Variants in DCPS observed in about 807,000 individuals in gnomAD.
DCPS encodes the protein decapping enzyme, scavenger, also known as m7GpppX diphosphatase.
A neutral mutation model predicts 34.7 loss-of-function variants in DCPS; 27 were observed. The ratio of observed to expected loss-of-function variants is 0.78; its 90% CI spans 0.57 to 1.07. The LOEUF (loss-of-function observed/expected upper bound fraction) is 1.07. Among genes scored for constraint, DCPS ranks in the 50% least tolerant of loss-of-function variants. The pLI, the probability that DCPS is intolerant of heterozygous loss-of-function variation, is 0.00. For synonymous variants in DCPS, 185 were observed against 185.7 expected, an observed-to-expected ratio of 1.00 and a Z score of 0.03; for missense variants, 464 against 436.9, an observed-to-expected ratio of 1.06 and a Z score of -0.55.
At chr11:126,307,682 C>T (rs1591380288) in intron 2 of DCPS, among the ~76,000 whole-genome samples, 1 of 152,160 alleles carries the variant, frequency 6.6e-6, no homozygotes, top group Admixed American at 6.6e-5. Context: ...GCTGGGATTA[C>T]AGGTGTGAGC....
chr11:126,339,854 C>T (rs1442492787), intron 4 of DCPS, among the ~76,000 whole-genome samples: 1 of 152,158 alleles, frequency 6.6e-6, no homozygotes, highest in African/African-American at 2.4e-5. Context: ...TGTGGGGCTG[C>T]CCTGCACCTA....
At position 126,328,186 on chromosome 11, in the gene DCPS, C is replaced by T. The variant is rs900862463; in HGVS notation, c.377-3219C>T. Among the ~76,000 whole-genome samples the T allele has an allele frequency of 7.9e-5, 12 of 152,266 alleles. No homozygotes were observed. In the East Asian group the frequency reaches 2.3e-3, roughly 29 times the overall value. ...GCAGAGGCCCTAAGCGGGAGAGAGG[C>T]AGTGCATGAAGGTGGAAAGAGGGCC... is the stretch of plus-strand genomic sequence containing the variant. On this transcript the variant is annotated intron_variant, in intron 2 of 5. Coordinates refer to ENST00000263579, the MANE Select transcript of DCPS (RefSeq NM_014026.6). The surrounding 1 kb of genome is among the most constrained non-coding windows in gnomAD (Gnocchi z 6.6).
chr11:126,331,338 C>T lies in DCPS; in HGVS notation c.377-67C>T. 1.3e-6 allele frequency: 2 copies of T among 1,583,386 alleles called. No individual in the cohort carries two copies. The highest frequency in any genetic ancestry group is 1.7e-6 in the Non-Finnish European group (2 of 1,163,748). On this transcript the variant is annotated intron_variant, in intron 2 of 5. Transcript: ENST00000263579. This position sits in a 1 kb window ranked among gnomAD's most constrained non-coding sequence, Gnocchi z 7.2. ...AGCCAGGGTGGGAGTTCTCTCCTCA[C>T]CGTGGTGCCTGTGGCATAGAGAGTG...
chr11:126,343,509 G>T, intron 5 of DCPS, 92 bp downstream of exon 5: 1 of 1,083,304 alleles, frequency 9.2e-7, no homozygotes, highest in Non-Finnish European at 1.4e-6. Context: ...CTTTCCCAGA[G>T]TCCATCTTGG....
chr11:126,309,848 TCTC>T (rs1347945798), intron 2 of DCPS, among the ~76,000 whole-genome samples: 7 of 152,200 alleles, frequency 4.6e-5, no homozygotes, highest in African/African-American at 1.7e-4. Context: ...ATGGTCTCTG[TCTC>T]CTCTTCTTCT....
At chr11:126,324,423 G>A (rs935106795) in intron 2 of DCPS, among the ~76,000 whole-genome samples, 3 of 151,626 alleles carry the variant, frequency 2.0e-5, no homozygotes. Context: ...GGTGGCAACC[G>A]GAAGTTCTGG....
chr11:126,349,839 G>C lies in DCPS; in HGVS notation c.*4226G>C, dbSNP rs1469313337. 6.6e-6 allele frequency among the ~76,000 whole-genome samples: 1 copy of C among 152,170 alleles called. No individual in the cohort carries two copies. Among genetic ancestry groups the C allele is most frequent in the Non-Finnish European group, 1.5e-5 (1 of 68,040 alleles). On this transcript the variant is annotated 3_prime_UTR_variant, in exon 6 of 6. Coordinates refer to ENST00000263579, the MANE Select transcript of DCPS (RefSeq NM_014026.6). This position sits in a 1 kb window ranked among gnomAD's most constrained non-coding sequence, Gnocchi z 5.4. The stretch of plus-strand genomic sequence containing the variant: ...GCAAAATAAATGTTGGCAACCCTAA[G>C]TTTGTTCTATTATAATATTATTGAA...
chr11:126,316,650 T>TC (rs1322055501), intron 2 of DCPS, among the ~76,000 whole-genome samples: 1 of 150,986 alleles, frequency 6.6e-6, no homozygotes, highest in Non-Finnish European at 1.5e-5. Context: ...AAGTACATTT[T>TC]TTTTTTTTCA....
At chr11:126,310,480 G>C (rs1438207813) in intron 2 of DCPS, among the ~76,000 whole-genome samples, 1 of 152,164 alleles carries the variant, frequency 6.6e-6, no homozygotes, top group Non-Finnish European at 1.5e-5. Context: ...TCTTGTTTGG[G>C]GTCAGGGGTG....
Position 126,312,047 on chromosome 11 carries a change from C to T in DCPS, c.376+5303C>T, listed in dbSNP as rs372772129. Among the ~76,000 whole-genome samples, 3 of 152,172 alleles carry T rather than the reference C, an allele frequency of 2.0e-5. No individual in the cohort carries two copies. The highest frequency in any genetic ancestry group is 7.2e-5 in the African/African-American group (3 of 41,436). ...CCGGGTTCGAGTGATTCTCCAGCCT[C>T]AGCCTCCCGAGTAGCTGGGATTACA... is the stretch of plus-strand genomic sequence containing the variant. On this transcript the variant is annotated intron_variant, in intron 2 of 5. Coordinates refer to ENST00000263579, the MANE Select transcript of DCPS (RefSeq NM_014026.6). The surrounding 1 kb of genome is among the most constrained non-coding windows in gnomAD (Gnocchi z 5.1).
rs1951891040 is a variant in DCPS, at chr11:126,343,300, T to C, written c.637-7T>C. ...CTGAGCCTGGTCTCCCCTTGCTCTC[T>C]ACGCAGCTCGATGACTTGTACTTGA... On this transcript the variant is annotated splice_polypyrimidine_tract_variant and splice_region_variant and intron_variant, in intron 4 of 5. Coordinates refer to ENST00000263579, the MANE Select transcript of DCPS (RefSeq NM_014026.6). The C allele has an allele frequency of 6.2e-7, 1 of 1,611,424 alleles. No homozygotes were observed. Among genetic ancestry groups the C allele is most frequent in the Non-Finnish European group, 8.5e-7 (1 of 1,178,782 alleles).
rs1237075872 is a variant in DCPS at position 126,342,892 on chromosome 11, A to G, written c.637-415A>G. On this transcript the variant is annotated intron_variant, in intron 4 of 5. Coordinates refer to ENST00000263579, the MANE Select transcript of DCPS (RefSeq NM_014026.6). The surrounding 1 kb of genome is among the most constrained non-coding windows in gnomAD (Gnocchi z 4.4). ...CAGGAGTTTGAGACCAGCCTGGCCA[A>G]TATGGTGAAACCCCATCTCTACTAA... 6.6e-6 allele frequency among the ~76,000 whole-genome samples: 1 copy of G among 151,996 alleles called. No individual in the cohort carries two copies.
intron 1 of DCPS, among the ~76,000 whole-genome samples, chr11:126,305,139 TCTC>T (rs1951553431): frequency 6.6e-6 from 1 of 152,156 alleles, no homozygotes; most frequent in South Asian, 2.1e-4. Context: ...AGACGGAGTC[TCTC>T]CTCTCTGTCA....
At position 126,345,697 on chromosome 11, in the gene DCPS, A is replaced by G; in HGVS notation, c.*84A>G. 1.3e-6 allele frequency: 2 copies of G among 1,547,566 alleles called. No homozygotes were observed. Among genetic ancestry groups the G allele is most frequent in the South Asian group, 2.4e-5 (2 of 83,126 alleles). ...TTTTTATCTCCAAGTGAATTTTCTA[A>G]AAATGTATTTTATACCGGCTTATTC... On this transcript the variant is annotated 3_prime_UTR_variant, in exon 6 of 6. Transcript: ENST00000263579. The surrounding 1 kb of genome is among the most constrained non-coding windows in gnomAD (Gnocchi z 7.4).
In DCPS at chr11:126,333,636, G is replaced by C. The variant is rs1445873536; in HGVS notation, c.522+2086G>C. On this transcript the variant is annotated intron_variant, in intron 3 of 5. Coordinates refer to ENST00000263579, the MANE Select transcript of DCPS (RefSeq NM_014026.6). This position sits in a 1 kb window ranked among gnomAD's most constrained non-coding sequence, Gnocchi z 5.7. ...TGGAATCATCCGATGCTTTGGGGGAGCTGCAAGGAGTTTGGTGTGACTGGG... is the reference window on the plus strand; with the variant it reads ...TGGAATCATCCGATGCTTTGGGGGACCTGCAAGGAGTTTGGTGTGACTGGG... Among the ~76,000 whole-genome samples, 1 of 152,190 alleles carries C rather than the reference G, an allele frequency of 6.6e-6. No homozygotes were observed. Among genetic ancestry groups the C allele is most frequent in the Admixed American group, 6.5e-5 (1 of 15,286 alleles).
chr11:126,330,737 T>A (rs1951782786), intron 2 of DCPS, among the ~76,000 whole-genome samples: 1 of 113,624 alleles, frequency 8.8e-6, no homozygotes, highest in Admixed American at 9.2e-5. Context: ...TTTTTTTTTT[T>A]TTTTTTTTTT....
At chr11:126,316,622 T>C (rs1951660325) in intron 2 of DCPS, among the ~76,000 whole-genome samples, 1 of 150,754 alleles carries the variant, frequency 6.6e-6, no homozygotes, top group Non-Finnish European at 1.5e-5. Context: ...TTTCTTGTTT[T>C]ACTCTCTTGA....
rs183135598 is a variant in DCPS, at chr11:126,324,762, C to A, written c.377-6643C>A. Among the ~76,000 whole-genome samples, 443 of 151,436 alleles carry A rather than the reference C, an allele frequency of 2.9e-3. 3 individuals are homozygous for A. Among genetic ancestry groups the A allele is most frequent in the Non-Finnish European group, 2.2e-3 (151 of 67,964 alleles). Reference sequence around the variant, plus strand: ...AATTGCTGGGACTATAGGCATGAGCCACTGTGCCTGGCTTGCCTGATGAGT... The same window carrying A: ...AATTGCTGGGACTATAGGCATGAGCAACTGTGCCTGGCTTGCCTGATGAGT... On this transcript the variant is annotated intron_variant, in intron 2 of 5. Coordinates refer to ENST00000263579, the MANE Select transcript of DCPS (RefSeq NM_014026.6).
In DCPS at chr11:126,305,413, C is replaced by CTTTTTTTTTTTTT. The variant is rs1165260410; in HGVS notation, c.201+1144_202-1133dup. On this transcript the variant is annotated intron_variant, in intron 1 of 5. Coordinates refer to ENST00000263579, the MANE Select transcript of DCPS (RefSeq NM_014026.6). Reference sequence around the variant, plus strand: ...TACAGGCGTGAGCCACCGCACCCGCCTTTTTTTTTTTTTTTTTTTTTTTTG... The same window carrying CTTTTTTTTTTTTT: ...TACAGGCGTGAGCCACCGCACCCGCCTTTTTTTTTTTTTTTTTTTTTTTTTTTTTTTTTTTTTG... Among the ~76,000 whole-genome samples, 6 of 68,324 alleles carry CTTTTTTTTTTTTT rather than the reference C, an allele frequency of 8.8e-5. 1 individual carries two copies. The highest frequency in any genetic ancestry group is 8.3e-5 in the Non-Finnish European group (3 of 36,124). The allele number at this position is 68,324 out of a possible 152,430, so 44.8% of individuals were successfully genotyped here. A position where few individuals can be genotyped will look rare whatever the true frequency, so the allele number is the denominator to read the frequency against.
Sources: gnomAD v4.1 joint callset for allele counts (sites outside exome capture counted in the v4.1 genomes callset) on GRCh38, gnomAD v4.1.1 for gene constraint, Gnocchi (gnomAD v3.1) non-coding constraint, MANE v1.5 for transcripts, NCBI Gene and HGNC (gene_info 2026-07-23, HGNC 2026-07-21) for gene names.